Variants in SLC38A6 observed in about 807,000 individuals in gnomAD.
SLC38A6 encodes N system amino acid transporter NAT-1.
In SLC38A6, 73 loss-of-function variants were observed where a neutral mutation model predicts 65.0. The observed-to-expected ratio is 1.12, with a 90% CI of 0.93 to 1.37. SLC38A6 has a LOEUF of 1.37. Among genes scored for constraint, SLC38A6 ranks in the 40% most tolerant of loss-of-function variants. The pLI is 0.00. For missense variants in SLC38A6, 561 were observed against 531.1 expected (o/e 1.06, Z -0.55); for synonymous variants, 183 against 178.8 (o/e 1.02, Z -0.19).
At chr14:61,062,462 T>A (rs967556162) in intron 15 of SLC38A6, among the ~76,000 whole-genome samples, 7 of 152,136 alleles carry the variant, frequency 4.6e-5, no homozygotes, top group African/African-American at 1.7e-4. Context: ...TTATTTTCTT[T>A]GGTAAAGTAT....
chr14:61,053,176 C>T (rs1004335704), downstream of SLC38A6, among the ~76,000 whole-genome samples: 8 of 152,092 alleles, frequency 5.3e-5, no homozygotes, highest in African/African-American at 1.9e-4. Context: ...AAGCCTCCAC[C>T]TCCATCCATG....
Position 61,037,688 on chromosome 14 carries a change from G to A in SLC38A6, c.624+5G>A. The A allele has an allele frequency of 6.4e-7, 1 of 1,562,890 alleles. No homozygotes were observed. The highest frequency in any genetic ancestry group is 1.2e-5 in the South Asian group (1 of 86,648). On this transcript the variant is annotated splice_donor_5th_base_variant and intron_variant, in intron 8 of 15. Coordinates refer to ENST00000267488, the MANE Select transcript of SLC38A6 (RefSeq NM_153811.3). ...ATGATGTTCTTTGCTCTTGTGGTAA[G>A]TTTAAAATATAATACATTGCTTATC... is the stretch of plus-strand genomic sequence containing the variant.
At chr14:61,000,159 T>A (rs11158316) in intron 3 of SLC38A6, among the ~76,000 whole-genome samples, 6,226 of 152,294 alleles carry the variant, frequency 0.041, 186 homozygotes, top group African/African-American at 0.082. Context: ...ATTTAATATA[T>A]ATTCAAACCA....
intron 15 of SLC38A6, among the ~76,000 whole-genome samples, chr14:61,076,101 C>T (rs776523872): frequency 1.3e-5 from 2 of 151,782 alleles, no homozygotes; most frequent in Admixed American, 6.6e-5. Context: ...GTGATCTGCC[C>T]GTCTTGGCCT....
intron 3 of SLC38A6, among the ~76,000 whole-genome samples, chr14:61,012,755 G>A (rs1472530964): frequency 2.0e-5 from 3 of 152,124 alleles, no homozygotes; most frequent in Non-Finnish European, 2.9e-5. Flanking sequence ...GAGACAGTTT[G>A]TTATCATTTC....
At chr14:61,005,021 G>C (rs1566633974) in intron 3 of SLC38A6, among the ~76,000 whole-genome samples, 9 of 152,090 alleles carry the variant, frequency 5.9e-5, no homozygotes, top group Admixed American at 3.3e-4. Flanking sequence ...TAGGATGCAA[G>C]GCTGGTTCAA....
intron 3 of SLC38A6, among the ~76,000 whole-genome samples, chr14:61,010,741 T>C (rs1026372728): frequency 5.9e-5 from 9 of 152,182 alleles, no homozygotes; most frequent in Non-Finnish European, 8.8e-5. Context: ...CATTGGTATA[T>C]ATATCTGTTT....
chr14:61,065,630 A>G (rs903850959), intron 15 of SLC38A6, among the ~76,000 whole-genome samples: 1 of 152,202 alleles, frequency 6.6e-6, no homozygotes, highest in Non-Finnish European at 1.5e-5. Context: ...AACCAGTTCT[A>G]TATTGTATTT....
intron 15 of SLC38A6, among the ~76,000 whole-genome samples, chr14:61,076,751 C>T (rs541226043): frequency 6.6e-6 from 1 of 152,310 alleles, no homozygotes; most frequent in East Asian, 1.9e-4. Flanking sequence ...GCCTTGTGTC[C>T]TCTTGAGTCA....
intron 3 of SLC38A6, among the ~76,000 whole-genome samples, chr14:61,009,616 G>T (rs1377012004): frequency 1.3e-5 from 2 of 151,266 alleles, no homozygotes; most frequent in African/African-American, 2.4e-5. Context: ...CCACCTATGA[G>T]TGAGAACATG....
intron 16 of SLC38A6, among the ~76,000 whole-genome samples, chr14:61,080,613 G>A (rs966337750): frequency 1.3e-5 from 2 of 152,176 alleles, no homozygotes; most frequent in African/African-American, 2.4e-5. Flanking sequence ...GATTTGCATG[G>A]GGAGCTTTTG....
chr14:61,071,789 T>C (rs1196237037), intron 15 of SLC38A6, among the ~76,000 whole-genome samples: 3 of 152,154 alleles, frequency 2.0e-5, no homozygotes, highest in Non-Finnish European at 4.4e-5. Flanking sequence ...CACATTTAAA[T>C]ACTTTACCTC....
chr14:61,052,632 A>G, downstream of SLC38A6: 1 of 524,978 alleles, frequency 1.9e-6, no homozygotes. Context: ...GCTCTTAAAT[A>G]TATTGGGTTG....
chr14:61,009,229 C>G (rs143655720), intron 3 of SLC38A6, among the ~76,000 whole-genome samples: 1,593 of 152,162 alleles, frequency 0.01, 15 homozygotes, highest in Non-Finnish European at 0.014. Context: ...CACAAATTTA[C>G]CCCTGATCAG....
chr14:61,041,587 T>G (rs752766872), intron 8 of SLC38A6, among the ~76,000 whole-genome samples: 1 of 152,152 alleles, frequency 6.6e-6, no homozygotes, highest in Non-Finnish European at 1.5e-5. Context: ...CTACCACTGT[T>G]AGTTAGGGGA....
intron 8 of SLC38A6, among the ~76,000 whole-genome samples, chr14:61,040,493 C>T (rs978136653): frequency 6.6e-6 from 1 of 152,106 alleles, no homozygotes; most frequent in Non-Finnish European, 1.5e-5. Context: ...GCACCCGCCA[C>T]CACGCCTGGC....
rs182166353 is a variant in SLC38A6 at position 60,995,121 on chromosome 14, T to C, written c.310+10318T>C. ...AAACCATGTGATCCAGCAATTCCTC[T>C]TCTGGGTTTATACCCAAAGGAAATG... On this transcript the variant is annotated intron_variant, in intron 3 of 15. Transcript: ENST00000267488. 7.2e-5 allele frequency among the ~76,000 whole-genome samples: 11 copies of C among 152,288 alleles called. No individual in the cohort carries two copies. The East Asian group carries it at 2.1e-3, about 29-fold the overall frequency.
intron 12 of SLC38A6, 99 bp downstream of exon 12, chr14:61,046,266 A>AT (rs2042143044): frequency 1.4e-6 from 1 of 725,608 alleles, no homozygotes; most frequent in East Asian, 2.7e-5. Context: ...TACTAAGTTA[A>AT]TTTGCTCAGA....
intron 8 of SLC38A6, among the ~76,000 whole-genome samples, chr14:61,042,182 C>T (rs1019574985): frequency 3.3e-5 from 5 of 152,000 alleles, no homozygotes; most frequent in Non-Finnish European, 5.9e-5. Flanking sequence ...TTAGTTCACT[C>T]ATTAACTTAA....
Sources: gnomAD v4.1 joint callset for allele counts (sites outside exome capture counted in the v4.1 genomes callset) on GRCh38, gnomAD v4.1.1 for gene constraint, MANE v1.5 for transcripts, NCBI Gene and HGNC (gene_info 2026-07-23, HGNC 2026-07-21) for gene names.